Variants in CNTN5 observed in about 807,000 individuals in gnomAD.
The protein encoded by CNTN5 is contactin-5.
CNTN5 carries 77 observed loss-of-function variants against 129.1 expected under a neutral mutation model. That is an observed-to-expected ratio of 0.60 (90% confidence interval 0.50 to 0.72). CNTN5 has a LOEUF of 0.72. CNTN5 is among the 30% of genes least tolerant of loss of function. The pLI is 0.00. For missense variants in CNTN5, 1,478 were observed against 1,328.8 expected (o/e 1.11, Z -1.75); for synonymous variants, 509 against 465.6 (o/e 1.09, Z -1.20).
At chr11:99,349,225 A>C (rs1008208784) in intron 2 of CNTN5, among the ~76,000 whole-genome samples, 5 of 152,324 alleles carry the variant, frequency 3.3e-5, no homozygotes, top group South Asian at 2.1e-4. Context: ...CACAAGCTGA[A>C]CAAGGGGAAG....
chr11:99,333,019 A>G (rs1339726963), intron 2 of CNTN5, among the ~76,000 whole-genome samples: 1 of 152,032 alleles, frequency 6.6e-6, no homozygotes, highest in Admixed American at 6.6e-5. Context: ...TTTAGTGATA[A>G]TTTCATGTGT....
At chr11:100,084,939 A>G (rs930103439) in intron 13 of CNTN5, among the ~76,000 whole-genome samples, 3 of 152,132 alleles carry the variant, frequency 2.0e-5, no homozygotes, top group Admixed American at 1.3e-4. Context: ...ACAGATTAAT[A>G]AGACAAAATG....
intron 2 of CNTN5, among the ~76,000 whole-genome samples, chr11:99,455,078 A>G (rs1037002920): frequency 2.0e-5 from 3 of 152,144 alleles, no homozygotes; most frequent in Admixed American, 2.0e-4. Context: ...GTAACCTGAA[A>G]GGTGCTCAGA....
rs377687917 is a variant in CNTN5, at chr11:100,259,889, G to A, written c.2164+3971G>A. 7.3e-5 allele frequency among the ~76,000 whole-genome samples: 11 copies of A among 151,322 alleles called. No individual in the cohort carries two copies. The East Asian group carries it at 1.7e-3, about 24-fold the overall frequency. Reference sequence around the variant, plus strand: ...CATAAAATCACAATTAAAAGAACTAGAGAAGTCAGAGCAAACAAATTCAAA... The same window carrying A: ...CATAAAATCACAATTAAAAGAACTAAAGAAGTCAGAGCAAACAAATTCAAA... On this transcript the variant is annotated intron_variant, in intron 17 of 24. Transcript: ENST00000524871.
chr11:99,178,087 A>G (rs918638014), intron 1 of CNTN5, among the ~76,000 whole-genome samples: 1 of 152,110 alleles, frequency 6.6e-6, no homozygotes, highest in Non-Finnish European at 1.5e-5. Flanking sequence ...TGAAGTGAAC[A>G]GGAAAGGAAA....
At chr11:100,307,108 C>T (rs1002500952) in intron 20 of CNTN5, among the ~76,000 whole-genome samples, 4 of 151,484 alleles carry the variant, frequency 2.6e-5, no homozygotes, top group Admixed American at 6.6e-5. Context: ...TATATAAAAG[C>T]GTTCCAGACA....
intron 2 of CNTN5, among the ~76,000 whole-genome samples, chr11:99,396,182 T>A (rs556764879): frequency 0.012 from 7 of 562 alleles, no homozygotes; most frequent in Non-Finnish European, 0.062. Flanking sequence ...GATCATGGAA[T>A]GTTTTTTTCA....
chr11:99,787,425 G>A (rs1016510373), intron 3 of CNTN5, among the ~76,000 whole-genome samples: 23 of 150,548 alleles, frequency 1.5e-4, no homozygotes, highest in African/African-American at 5.4e-4. Context: ...TACTTATAAG[G>A]TATAATATTA....
intron 4 of CNTN5, among the ~76,000 whole-genome samples, chr11:99,832,665 A>C (rs1013542835): frequency 6.6e-6 from 1 of 152,164 alleles, no homozygotes; most frequent in South Asian, 2.1e-4. Context: ...TTGGTGCAAA[A>C]ATTTTTCTCA....
At chr11:99,620,152 A>G (rs922834530) in intron 3 of CNTN5, among the ~76,000 whole-genome samples, 2 of 152,138 alleles carry the variant, frequency 1.3e-5, no homozygotes, top group African/African-American at 4.8e-5. Flanking sequence ...TCTGCAGGAT[A>G]CATATTGGTT....
intron 9 of CNTN5, among the ~76,000 whole-genome samples, chr11:100,024,989 AC>A (rs1442881779): frequency 6.6e-6 from 1 of 152,232 alleles, no homozygotes; most frequent in Non-Finnish European, 1.5e-5. Flanking sequence ...GGCTGCAAAA[AC>A]TTTTATAGCT....
At chr11:99,925,939 G>T (rs546289208) in intron 7 of CNTN5, among the ~76,000 whole-genome samples, 1 of 152,100 alleles carries the variant, frequency 6.6e-6, no homozygotes, top group East Asian at 1.9e-4. Flanking sequence ...CCTGGGATTT[G>T]GTCTCAGACA....
intron 3 of CNTN5, among the ~76,000 whole-genome samples, chr11:99,768,080 G>A (rs1422561150): frequency 6.6e-6 from 1 of 152,048 alleles, no homozygotes; most frequent in Non-Finnish European, 1.5e-5. Context: ...GAGTTGAGTA[G>A]TTGTGACAGA....
chr11:99,115,206 C>T lies in CNTN5; in HGVS notation c.-210+93936C>T, dbSNP rs182183357. On this transcript the variant is annotated intron_variant, in intron 1 of 24. Coordinates refer to ENST00000524871, the MANE Select transcript of CNTN5 (RefSeq NM_014361.4). ...GCACCCTGAATGAAGTAAGAAAGACCGGGGCTAGGTTCTGGCTTTTCCTGC... is the reference window on the plus strand; with the variant it reads ...GCACCCTGAATGAAGTAAGAAAGACTGGGGCTAGGTTCTGGCTTTTCCTGC... Among the ~76,000 whole-genome samples, 168 of 152,184 alleles carry T rather than the reference C, an allele frequency of 1.1e-3. 1 individual carries two copies. The highest frequency in any genetic ancestry group is 3.8e-3 in the African/African-American group (159 of 41,524).
At chr11:100,283,698 C>A (rs2138827674) in intron 18 of CNTN5, among the ~76,000 whole-genome samples, 1 of 152,282 alleles carries the variant, frequency 6.6e-6, no homozygotes, top group South Asian at 2.1e-4. Flanking sequence ...GTAATCCCAG[C>A]ACTTTGGGAG....
chr11:100,280,042 C>T (rs1443524563), intron 18 of CNTN5, among the ~76,000 whole-genome samples: 2 of 150,630 alleles, frequency 1.3e-5, no homozygotes, highest in Non-Finnish European at 3.0e-5. Context: ...TTTTTCAATT[C>T]CCTTCTTAAT....
At chr11:100,005,053 C>T (rs1398893099) in intron 9 of CNTN5, among the ~76,000 whole-genome samples, 1 of 152,118 alleles carries the variant, frequency 6.6e-6, no homozygotes, top group East Asian at 1.9e-4. Context: ...ATAGCCAGCA[C>T]TTTCCCCACT....
At chr11:99,774,482 T>C (rs911573645) in intron 3 of CNTN5, among the ~76,000 whole-genome samples, 3 of 136,134 alleles carry the variant, frequency 2.2e-5, no homozygotes, top group Non-Finnish European at 4.9e-5. Context: ...TTTAAGAAAT[T>C]CATAGGAGAA....
chr11:100,040,459 A>G (rs1280503530), intron 9 of CNTN5, among the ~76,000 whole-genome samples: 2 of 152,150 alleles, frequency 1.3e-5, no homozygotes, highest in Admixed American at 6.5e-5. Flanking sequence ...TCAGATCTCA[A>G]GCTGCGTGCT....
Sources: gnomAD v4.1 joint callset for allele counts (sites outside exome capture counted in the v4.1 genomes callset) on GRCh38, gnomAD v4.1.1 for gene constraint, MANE v1.5 for transcripts, NCBI Gene and HGNC (gene_info 2026-07-23, HGNC 2026-07-21) for gene names.